The following PAK1 variants were observed in gnomAD, a reference collection of about 807,000 sequenced individuals.
PAK1 encodes serine/threonine-protein kinase PAK 1.
PAK1 carries 29 observed loss-of-function variants against 67.4 expected under a neutral mutation model. The ratio of observed to expected loss-of-function variants is 0.43; its 90% confidence interval spans 0.32 to 0.59. PAK1 has a LOEUF of 0.59. Ranked by LOEUF, PAK1 falls within the 20% of genes least tolerant of loss-of-function variation. The pLI, the probability that PAK1 is intolerant of heterozygous loss-of-function variation, is 0.07. For missense variants in PAK1, 337 were observed against 670.7 expected (o/e 0.50, Z 5.50); for synonymous variants, 223 against 237.4 (o/e 0.94, Z 0.56).
chr11:77,394,081 C>T (rs1408380678), intron 1 of PAK1, among the ~76,000 whole-genome samples: 2 of 152,086 alleles, frequency 1.3e-5, no homozygotes, highest in East Asian at 1.9e-4. Context: ...CTTAAATAAA[C>T]GTCCTTGACA....
chr11:77,470,362 A>G (rs966387650), intron 1 of PAK1, among the ~76,000 whole-genome samples: 2 of 151,950 alleles, frequency 1.3e-5, no homozygotes, highest in Non-Finnish European at 2.9e-5. Flanking sequence ...ACCTTTTTTC[A>G]TCCCTCTATT....
intron 1 of PAK1, among the ~76,000 whole-genome samples, chr11:77,448,061 G>GTA (rs1261805176): frequency 1.3e-5 from 2 of 152,172 alleles, no homozygotes; most frequent in Admixed American, 1.3e-4. Flanking sequence ...GGAGTCAGAA[G>GTA]AATAGTTCCA....
At chr11:77,498,637 T>C in the PAK1 span, among the ~76,000 whole-genome samples, 1 of 151,986 alleles carries the variant, frequency 6.6e-6, no homozygotes, top group Non-Finnish European at 1.5e-5. Flanking sequence ...ATGGTACATA[T>C]TTGTTAAATG....
chr11:77,479,285 A>T (rs1958092937), upstream of PAK1, among the ~76,000 whole-genome samples: 1 of 152,114 alleles, frequency 6.6e-6, no homozygotes, highest in African/African-American at 2.4e-5. Flanking sequence ...CAGCCCTCCG[A>T]TGTCATGATT....
At chr11:77,490,103 G>A in the PAK1 span, among the ~76,000 whole-genome samples, 8 of 136,528 alleles carry the variant, frequency 5.9e-5, no homozygotes, top group Admixed American at 3.6e-4. Context: ...GCCCGGCCGC[G>A]ACCCCATCTA....
chr11:77,429,964 G>A (rs1955784027), intron 1 of PAK1, among the ~76,000 whole-genome samples: 2 of 152,188 alleles, frequency 1.3e-5, no homozygotes, highest in East Asian at 1.9e-4. Context: ...GTTTGATATC[G>A]CTTTTTAAAT....
At chr11:77,353,645 A>G in intron 7 of PAK1, 46 bp from the exon 8 acceptor site, 1 of 1,495,104 alleles carries the variant, frequency 6.7e-7, no homozygotes, top group Admixed American at 1.7e-5. Context: ...CCAAATCAAG[A>G]TACAAAAAAG....
rs563045239 is a variant in PAK1, at chr11:77,347,103, C to T, written c.885+2136G>A. ...CCCTGGGGCAGGAAATGAAGCCTTC[C>T]TGACCACACTGCATTAGCCACCCTG... On this transcript the variant is annotated intron_variant, in intron 9 of 14. Transcript: ENST00000356341. 1.4e-4 allele frequency: 64 copies of T among 456,158 alleles called. 2 individuals are homozygous for T. Among genetic ancestry groups the T allele is most frequent in the South Asian group, 9.6e-4 (62 of 64,562 alleles). 28.3% of individuals were successfully genotyped at this position (456,158 alleles called of 1,614,324 possible).
chr11:77,510,123 T>G, the PAK1 span, among the ~76,000 whole-genome samples: 1 of 152,344 alleles, frequency 6.6e-6, no homozygotes, highest in East Asian at 1.9e-4. Flanking sequence ...TTTAGGTTGT[T>G]AAGCATTATA....
intron 1 of PAK1, among the ~76,000 whole-genome samples, chr11:77,399,582 G>T (rs941802574): frequency 6.6e-6 from 1 of 152,006 alleles, no homozygotes; most frequent in Non-Finnish European, 1.5e-5. Context: ...AAGATTGGCC[G>T]GGCGCGGTGG....
chr11:77,494,140 G>GA, the PAK1 span, among the ~76,000 whole-genome samples: 2 of 151,722 alleles, frequency 1.3e-5, no homozygotes, highest in Admixed American at 6.6e-5. Context: ...ATCCTACAAA[G>GA]AAAAAAAATA....
At chr11:77,365,881 G>T (rs1947508785) in intron 5 of PAK1, among the ~76,000 whole-genome samples, 2 of 151,440 alleles carry the variant, frequency 1.3e-5, no homozygotes, top group African/African-American at 2.4e-5. Context: ...CGCACAGTCA[G>T]ACTGCCAAAA....
At chr11:77,402,222 T>C (rs1264485336) in intron 1 of PAK1, among the ~76,000 whole-genome samples, 3 of 152,172 alleles carry the variant, frequency 2.0e-5, no homozygotes, top group African/African-American at 7.2e-5. Context: ...TGACTGTATC[T>C]GGGAGGCTTC....
chr11:77,492,557 T>C, the PAK1 span, among the ~76,000 whole-genome samples: 2 of 150,966 alleles, frequency 1.3e-5, no homozygotes, highest in Non-Finnish European at 3.0e-5. Flanking sequence ...TTTTTTTTTT[T>C]TTTTTTAAAG....
At chr11:77,447,277 C>G (rs1956655456) in intron 1 of PAK1, among the ~76,000 whole-genome samples, 1 of 152,148 alleles carries the variant, frequency 6.6e-6, no homozygotes. Flanking sequence ...AGAACCTGTT[C>G]AAATAGTTGG....
chr11:77,449,311 A>T (rs1000310100), intron 1 of PAK1, among the ~76,000 whole-genome samples: 5 of 152,240 alleles, frequency 3.3e-5, no homozygotes, highest in Admixed American at 2.6e-4. Flanking sequence ...ACGACTTTAA[A>T]GGAAACTAGG....
chr11:77,364,427 A>G (rs1947223920), intron 5 of PAK1, among the ~76,000 whole-genome samples: 1 of 152,186 alleles, frequency 6.6e-6, no homozygotes, highest in Non-Finnish European at 1.5e-5. Context: ...CAACAAAACA[A>G]AACAACAACA....
At chr11:77,379,506 T>C (rs1372803364) in intron 3 of PAK1, 118 bp from the exon 4 acceptor site, 2 of 862,264 alleles carry the variant, frequency 2.3e-6, no homozygotes, top group South Asian at 1.7e-5. Flanking sequence ...AGTCATTCCT[T>C]TCTCTCTATA....
At chr11:77,420,909 T>C (rs1294396914) in intron 1 of PAK1, among the ~76,000 whole-genome samples, 1 of 152,188 alleles carries the variant, frequency 6.6e-6, no homozygotes, top group Non-Finnish European at 1.5e-5. Flanking sequence ...CAAAGAATTA[T>C]CCTGCCCAAA....
Sources: gnomAD v4.1 joint callset for allele counts (sites outside exome capture counted in the v4.1 genomes callset) on GRCh38, gnomAD v4.1.1 for gene constraint, MANE v1.5 for transcripts, NCBI Gene and HGNC (gene_info 2026-07-23, HGNC 2026-07-21) for gene names.